Variants in MAPT observed in about 807,000 individuals in gnomAD.
The protein encoded by MAPT is microtubule associated protein tau, also known as microtubule-associated protein tau.
MAPT carries 34 observed loss-of-function variants against 67.9 expected under a neutral mutation model. The observed-to-expected ratio is 0.50, with a 90% CI of 0.38 to 0.67. MAPT has a LOEUF of 0.67. MAPT is among the 30% of genes least tolerant of loss of function. The pLI, the probability that MAPT is intolerant of heterozygous loss-of-function variation, is 0.00. For missense variants in MAPT, 881 were observed against 1,115.2 expected, an observed-to-expected ratio of 0.79 and a Z score of 2.99; for synonymous variants, 456 against 464.5, an observed-to-expected ratio of 0.98 and a Z score of 0.23.
intron 10 of MAPT, among the ~76,000 whole-genome samples, chr17:46,011,739 G>C (rs2075831735): frequency 6.6e-6 from 1 of 152,204 alleles, no homozygotes; most frequent in Non-Finnish European, 1.5e-5. Context: ...TGTGGCTCCG[G>C]GGTGGGCTGT....
intron 1 of MAPT, among the ~76,000 whole-genome samples, chr17:45,943,597 C>T (rs1211341130): frequency 6.6e-6 from 1 of 152,152 alleles, no homozygotes; most frequent in Non-Finnish European, 1.5e-5. Context: ...TCCTTGTTGT[C>T]CCCATCTAAT....
chr17:45,982,836 C>T, intron 4 of MAPT, 30 bp from the exon 5 acceptor site: 2 of 1,222,010 alleles, frequency 1.6e-6, no homozygotes. Context: ...CCCTTGCTAA[C>T]CTTTTGCTAT....
intron 1 of MAPT, among the ~76,000 whole-genome samples, chr17:45,937,983 T>C (rs892442037): frequency 2.6e-5 from 4 of 152,184 alleles, no homozygotes; most frequent in Non-Finnish European, 5.9e-5. Flanking sequence ...GGCTCAGTCT[T>C]TCATGATGCG....
chr17:45,997,140 T>A (rs1264022822), intron 9 of MAPT, among the ~76,000 whole-genome samples: 1 of 152,142 alleles, frequency 6.6e-6, no homozygotes, highest in Non-Finnish European at 1.5e-5. Context: ...GGGGTTCTGT[T>A]TTGATCAGCT....
intron 1 of MAPT, among the ~76,000 whole-genome samples, chr17:45,903,220 T>C (rs2063733067): frequency 6.6e-6 from 1 of 152,202 alleles, no homozygotes; most frequent in Non-Finnish European, 1.5e-5. Context: ...CAGCTCCTCC[T>C]CCTGAATTGG....
At chr17:46,017,807 A>G (rs2076282734) in intron 11 of MAPT, among the ~76,000 whole-genome samples, 3 of 150,028 alleles carry the variant, frequency 2.0e-5, no homozygotes, top group South Asian at 2.1e-4. Context: ...TTTAATTCCA[A>G]GGTCTTGTGG....
At chr17:45,970,299 T>C (rs2071531916) in intron 2 of MAPT, among the ~76,000 whole-genome samples, 1 of 152,174 alleles carries the variant, frequency 6.6e-6, no homozygotes, top group South Asian at 2.1e-4. Context: ...CATATAATTA[T>C]ACATCAATTA....
At chr17:45,962,250 CCT>C in intron 1 of MAPT, 69 bp from the exon 2 acceptor site, 22 of 1,287,308 alleles carry the variant, frequency 1.7e-5, no homozygotes, top group Non-Finnish European at 2.1e-5. Context: ...AGGAGAGGCT[CCT>C]CTCTCTCTTC....
intron 12 of MAPT, among the ~76,000 whole-genome samples, chr17:46,019,988 G>A (rs769722843): frequency 3.5e-5 from 5 of 141,558 alleles, no homozygotes; most frequent in Non-Finnish European, 7.6e-5. Flanking sequence ...CTCCAGCCTG[G>A]GCAACAGAGT....
chr17:45,985,595 C>A, intron 5 of MAPT: 1 of 728,884 alleles, frequency 1.4e-6, no homozygotes, highest in Non-Finnish European at 1.7e-6. Flanking sequence ...GCCATTGTGA[C>A]CCTCTGAGAA....
At chr17:45,989,838 G>C in intron 6 of MAPT, 40 bp from the exon 7 acceptor site, 1 of 1,576,268 alleles carries the variant, frequency 6.3e-7, no homozygotes, top group Non-Finnish European at 8.7e-7. Context: ...TCCTCCATGT[G>C]CTGACTTTTA....
At position 45,996,517 on chromosome 17, in the gene MAPT, G is replaced by A. The variant is rs1435482419; in HGVS notation, c.1851G>A (p.Lys617=). 1.2e-6 allele frequency: 2 copies of A among 1,612,372 alleles called. No homozygotes were observed. Among genetic ancestry groups the A allele is most frequent in the African/African-American group, 1.3e-5 (1 of 74,902 alleles). Residue 617 remains lysine (K), a synonymous_variant, in exon 9 of 13, where the codon AAG becomes AAA. Transcript: ENST00000262410. This position sits in a 1 kb window ranked among gnomAD's most constrained non-coding sequence, Gnocchi z 4.5. ...CCCCACCCACCCGGGAGCCCAAGAAGGTGGCAGTGGTCCGTACTCCACCCA... is the reference window on the plus strand; with the variant it reads ...CCCCACCCACCCGGGAGCCCAAGAAAGTGGCAGTGGTCCGTACTCCACCCA... ...LPTPPTREPK[K]VAVVRTPPKS...
At chr17:45,931,455 A>G (rs2066842717) in intron 1 of MAPT, among the ~76,000 whole-genome samples, 1 of 152,212 alleles carries the variant, frequency 6.6e-6, no homozygotes, top group African/African-American at 2.4e-5. Flanking sequence ...ATAGCTTTCT[A>G]TATCTTTCTG....
rs1219889100 is a variant in MAPT at position 45,915,112 on chromosome 17, G to A, written c.-18+20426G>A. 6.6e-6 allele frequency among the ~76,000 whole-genome samples: 1 copy of A among 152,136 alleles called. No homozygotes were observed. Among genetic ancestry groups the A allele is most frequent in the African/African-American group, 2.4e-5 (1 of 41,418 alleles). ...TCCGGAAGAAGGGTTCTTTTAAAAG[G>A]CTCCTCAAGTGATGCTGGCAGGCAT... On this transcript the variant is annotated intron_variant, in intron 1 of 12. Coordinates refer to ENST00000262410, the MANE Select transcript of MAPT (RefSeq NM_001377265.1). The surrounding 1 kb of genome is among the most constrained non-coding windows in gnomAD (Gnocchi z 4.4).
chr17:46,025,373 C>T lies in MAPT; in HGVS notation c.*1202C>T, dbSNP rs2076762310. ...GAGCCCAATCACTGCCTATACCCCT[C>T]ATCACACGTCACAATGTCCCGAATT... On this transcript the variant is annotated 3_prime_UTR_variant, in exon 13 of 13. Coordinates refer to ENST00000262410, the MANE Select transcript of MAPT (RefSeq NM_001377265.1). 1 of 148,190 alleles carries T rather than the reference C, an allele frequency of 6.7e-6. No homozygotes were observed. The highest frequency in any genetic ancestry group is 1.5e-5 in the Non-Finnish European group (1 of 64,924). 9.2% of individuals were successfully genotyped at this position (148,190 alleles called of 1,614,324 possible). A position where few individuals can be genotyped will look rare whatever the true frequency, so the allele number is the denominator to read the frequency against.
chr17:46,003,342 A>G (rs1013351659), intron 9 of MAPT, among the ~76,000 whole-genome samples: 4 of 151,494 alleles, frequency 2.6e-5, no homozygotes, highest in Admixed American at 6.6e-5. Context: ...GCAGTGGTGC[A>G]ATCTCGGCTC....
chr17:45,976,896 C>T (rs1266591132), intron 3 of MAPT: 1 of 152,352 alleles, frequency 6.6e-6, no homozygotes, highest in East Asian at 1.9e-4. Flanking sequence ...CACCCTCTGT[C>T]TCAAGGACTC....
At chr17:45,927,410 A>G (rs1033606375) in intron 1 of MAPT, among the ~76,000 whole-genome samples, 1 of 152,098 alleles carries the variant, frequency 6.6e-6, no homozygotes, top group African/African-American at 2.4e-5. Context: ...TCAGCGTTTC[A>G]GGTGTGCTAA....
intron 1 of MAPT, among the ~76,000 whole-genome samples, chr17:45,902,297 C>T (rs2063670015): frequency 1.3e-5 from 2 of 152,180 alleles, no homozygotes; most frequent in Non-Finnish European, 2.9e-5. Context: ...TCCCGAACTT[C>T]TGACCCAAGT....
Sources: gnomAD v4.1 joint callset for allele counts (sites outside exome capture counted in the v4.1 genomes callset) on GRCh38, gnomAD v4.1.1 for gene constraint, Gnocchi (gnomAD v3.1) non-coding constraint, MANE v1.5 for transcripts, NCBI Gene and HGNC (gene_info 2026-07-23, HGNC 2026-07-21) for gene names.